The following KCNMB2 variants were observed in gnomAD, a reference collection of about 807,000 sequenced individuals.
The protein encoded by KCNMB2 is calcium-activated potassium channel subunit beta-2.
A neutral mutation model predicts 24.5 loss-of-function variants in KCNMB2; 9 were observed. The ratio of observed to expected loss-of-function variants is 0.37; its 90% CI spans 0.22 to 0.64. The LOEUF (loss-of-function observed/expected upper bound fraction) is 0.64. Ranked by LOEUF, KCNMB2 falls within the 30% of genes least tolerant of loss-of-function variation. The pLI is 0.63. For synonymous variants in KCNMB2, 109 were observed against 104.4 expected, an observed-to-expected ratio of 1.04 and a Z score of -0.27; for missense variants, 226 against 284.3, an observed-to-expected ratio of 0.79 and a Z score of 1.47.
chr3:178,645,919 G>T (rs1395685327), intron 1 of KCNMB2, among the ~76,000 whole-genome samples: 1 of 152,220 alleles, frequency 6.6e-6, no homozygotes, highest in Non-Finnish European at 1.5e-5. Flanking sequence ...AGAATGTCTA[G>T]TGCTGCTTGA....
intron 1 of KCNMB2, among the ~76,000 whole-genome samples, chr3:178,547,806 C>T (rs890849491): frequency 3.3e-5 from 5 of 152,196 alleles, no homozygotes; most frequent in African/African-American, 1.2e-4. Flanking sequence ...AACCCAAGTC[C>T]TGTGTTGTCT....
chr3:178,745,512 C>T (rs1039444488), intron 1 of KCNMB2, among the ~76,000 whole-genome samples: 1 of 152,160 alleles, frequency 6.6e-6, no homozygotes, highest in Non-Finnish European at 1.5e-5. Flanking sequence ...CCACCCTTGG[C>T]CCCTCCCAAA....
At chr3:178,712,317 C>T (rs12487889) in intron 1 of KCNMB2, among the ~76,000 whole-genome samples, 35,190 of 152,080 alleles carry the variant, frequency 0.23, 4,365 homozygotes, top group Middle Eastern at 0.35. Flanking sequence ...GGATACCTAT[C>T]CCAAGATATT....
chr3:178,765,370 G>A (rs1712072907), intron 1 of KCNMB2, among the ~76,000 whole-genome samples: 1 of 152,150 alleles, frequency 6.6e-6, no homozygotes, highest in African/African-American at 2.4e-5. Flanking sequence ...ACTTACTACA[G>A]CCTGGCTCAT....
chr3:178,831,177 T>C (rs971690939), intron 4 of KCNMB2, among the ~76,000 whole-genome samples: 1 of 152,178 alleles, frequency 6.6e-6, no homozygotes, highest in African/African-American at 2.4e-5. Context: ...CTTTTCCTCA[T>C]TGAATTATTT....
chr3:178,570,982 A>G (rs532497512), intron 1 of KCNMB2, among the ~76,000 whole-genome samples: 17 of 152,292 alleles, frequency 1.1e-4, no homozygotes, highest in African/African-American at 3.6e-4. Context: ...TCAGACTTAA[A>G]GTGGTTTTCC....
chr3:178,714,521 G>C (rs1327761336), intron 1 of KCNMB2, among the ~76,000 whole-genome samples: 1 of 152,206 alleles, frequency 6.6e-6, no homozygotes, highest in Non-Finnish European at 1.5e-5. Context: ...GAGGGTTCTT[G>C]GAAGGGAGAA....
intron 1 of KCNMB2, among the ~76,000 whole-genome samples, chr3:178,691,885 C>A (rs1721691580): frequency 7.4e-6 from 1 of 134,602 alleles, no homozygotes. Context: ...TATAAATATT[C>A]CATTTTTTTT....
At chr3:178,836,113 C>A (rs968329604) in intron 4 of KCNMB2, among the ~76,000 whole-genome samples, 15 of 152,018 alleles carry the variant, frequency 9.9e-5, no homozygotes, top group Non-Finnish European at 1.8e-4. Flanking sequence ...AGGAGGCTGA[C>A]AGTGAGGTTA....
chr3:178,614,442 C>A (rs553023515), intron 1 of KCNMB2, among the ~76,000 whole-genome samples: 42 of 150,092 alleles, frequency 2.8e-4, no homozygotes, highest in African/African-American at 1.0e-3. Context: ...TTCATGGTGG[C>A]AGACAAGAGA....
chr3:178,811,432 T>C (rs1714187950), intron 2 of KCNMB2, among the ~76,000 whole-genome samples: 1 of 152,200 alleles, frequency 6.6e-6, no homozygotes, highest in Non-Finnish European at 1.5e-5. Context: ...ATTGTTTCCA[T>C]CCAAATGTTT....
intron 1 of KCNMB2, among the ~76,000 whole-genome samples, chr3:178,579,070 C>A (rs1398129050): frequency 6.6e-6 from 1 of 152,164 alleles, no homozygotes; most frequent in African/African-American, 2.4e-5. Context: ...ACAGAATATA[C>A]ATTCTTCTAA....
intron 1 of KCNMB2, among the ~76,000 whole-genome samples, chr3:178,592,710 T>G (rs916978406): frequency 2.0e-5 from 3 of 152,124 alleles, no homozygotes; most frequent in African/African-American, 7.2e-5. Context: ...GGTTTGCGCC[T>G]GCTTATTTTG....
chr3:178,726,170 T>C (rs577490780), intron 1 of KCNMB2, among the ~76,000 whole-genome samples: 2 of 151,926 alleles, frequency 1.3e-5, no homozygotes, highest in African/African-American at 4.8e-5. Context: ...AATATTTTAC[T>C]AGTTCAAGTA....
chr3:178,638,839 C>T (rs1044358166), intron 1 of KCNMB2, among the ~76,000 whole-genome samples: 1 of 152,170 alleles, frequency 6.6e-6, no homozygotes, highest in Non-Finnish European at 1.5e-5. Context: ...TTCTTTCATA[C>T]AAGCCTTTTA....
chr3:178,672,676 A>G (rs1053272830), intron 1 of KCNMB2, among the ~76,000 whole-genome samples: 1 of 152,154 alleles, frequency 6.6e-6, no homozygotes, highest in Non-Finnish European at 1.5e-5. Context: ...GCCCATGAAC[A>G]TTTGATTTGA....
At chr3:178,741,190 C>T (rs1311198254) in intron 1 of KCNMB2, among the ~76,000 whole-genome samples, 1 of 152,162 alleles carries the variant, frequency 6.6e-6, no homozygotes, top group Non-Finnish European at 1.5e-5. Flanking sequence ...TGTGTTTGAA[C>T]ATCACTTTTA....
At chr3:178,815,691 T>A (rs1411327733) in intron 2 of KCNMB2, among the ~76,000 whole-genome samples, 1 of 152,108 alleles carries the variant, frequency 6.6e-6, no homozygotes, top group African/African-American at 2.4e-5. Context: ...TTTATCATAT[T>A]AAGGATGTTC....
intron 1 of KCNMB2, among the ~76,000 whole-genome samples, chr3:178,700,671 A>C (rs913351765): frequency 2.0e-5 from 3 of 152,158 alleles, no homozygotes; most frequent in Non-Finnish European, 2.9e-5. Context: ...TTGAGAAGAT[A>C]TTTGCAACAT....
Sources: allele counts gnomAD v4.1 joint callset (sites outside exome capture counted in the v4.1 genomes callset), GRCh38; gene constraint gnomAD v4.1.1; transcripts MANE v1.5; gene names NCBI Gene and HGNC (gene_info 2026-07-23, HGNC 2026-07-21).